Variants in REC114 observed in about 807,000 individuals in gnomAD.
REC114 encodes meiotic recombination protein REC114.
A neutral mutation model predicts 31.3 loss-of-function variants in REC114; 27 were observed. The ratio of observed to expected loss-of-function variants is 0.86; its 90% CI spans 0.64 to 1.19. The LOEUF is 1.19. Ranked by LOEUF, REC114 falls within the 50% of genes most tolerant of loss-of-function variation. The probability of loss-of-function intolerance (pLI) is 0.00; values close to 1 mark genes in which losing one functional copy is unlikely to be tolerated. For synonymous variants in REC114, 134 were observed against 127.7 expected, an observed-to-expected ratio of 1.05 and a Z score of -0.33; for missense variants, 344 against 326.9, an observed-to-expected ratio of 1.05 and a Z score of -0.40.
chr15:73,476,538 T>A (rs2141294631), intron 2 of REC114, among the ~76,000 whole-genome samples: 1 of 152,348 alleles, frequency 6.6e-6, no homozygotes, highest in East Asian at 1.9e-4. Flanking sequence ...TTTTGAAGTA[T>A]ATATACATTG....
chr15:73,468,282 A>G (rs1234965136), intron 1 of REC114, among the ~76,000 whole-genome samples: 1 of 151,882 alleles, frequency 6.6e-6, no homozygotes, highest in South Asian at 2.1e-4. Context: ...ATTTCTCTCA[A>G]TTTTCAATGT....
intron 2 of REC114, among the ~76,000 whole-genome samples, chr15:73,511,554 C>A (rs1268332150): frequency 2.0e-5 from 3 of 149,000 alleles, no homozygotes; most frequent in Non-Finnish European, 4.5e-5. Flanking sequence ...AATTTTGGAT[C>A]TTTCCTGCTT....
chr15:73,551,393 C>T (rs1894391058), intron 4 of REC114, among the ~76,000 whole-genome samples: 1 of 152,072 alleles, frequency 6.6e-6, no homozygotes, highest in Admixed American at 6.5e-5. Context: ...AAGTGTGGTC[C>T]ACGAACCCCT....
At chr15:73,534,776 C>T (rs1894132392) in intron 2 of REC114, among the ~76,000 whole-genome samples, 1 of 150,976 alleles carries the variant, frequency 6.6e-6, no homozygotes, top group Non-Finnish European at 1.5e-5. Flanking sequence ...TGCAGAAATC[C>T]TCAATAAAAT....
Position 73,556,345 on chromosome 15 carries a change from G to A in REC114, c.590G>A (p.Gly197Asp), listed in dbSNP as rs377361229. 1.1e-5 allele frequency: 17 copies of A among 1,613,752 alleles called. No individual in the cohort carries two copies. The African/African-American group carries it at 1.3e-4, about 13-fold the overall frequency. Residue 197 changes from glycine (G) to aspartate (D), a missense_variant, in exon 5 of 6, where the codon GGC becomes GAC. Gly to Asp is a moderately conservative substitution (Grantham distance 94, BLOSUM62 -1). Coordinates refer to ENST00000331090, the MANE Select transcript of REC114 (RefSeq NM_001042367.2). The stretch of plus-strand genomic sequence containing the variant: ...CAACAGCAAGTGTGTGTAACAGCGG[G>A]CACAGGCGCTCCAGACGGAAGGACC... ...SEQQQVCVTA[G>D]TGAPDGRTSL...
chr15:73,514,005 T>C (rs915063123), intron 2 of REC114, among the ~76,000 whole-genome samples: 5 of 152,102 alleles, frequency 3.3e-5, no homozygotes, highest in African/African-American at 1.2e-4. Flanking sequence ...TTTGTTTACC[T>C]AAGCAAGCCT....
intron 3 of REC114, among the ~76,000 whole-genome samples, chr15:73,549,255 A>G (rs552904714): frequency 1.9e-4 from 29 of 152,340 alleles, no homozygotes; most frequent in Non-Finnish European, 3.5e-4. Flanking sequence ...AGTGAAATAA[A>G]CCAGGCACAG....
At position 73,556,167 on chromosome 15, in the gene REC114, G is replaced by A. The variant is rs947659773; in HGVS notation, c.547-135G>A. On this transcript the variant is annotated intron_variant, in intron 4 of 5. Coordinates refer to ENST00000331090, the MANE Select transcript of REC114 (RefSeq NM_001042367.2). ...TCCGTTTAAACCAGGACAGACCTAT[G>A]CTGACAACCATTTTTATCACTCTTA... 6.4e-5 allele frequency: 46 copies of A among 718,022 alleles called. 1 individual carries two copies. In the Admixed American group the frequency reaches 1.1e-3, roughly 17 times the overall value. The allele number at this position is 718,022 out of a possible 1,614,324, so 44.5% of individuals were successfully genotyped here.
At chr15:73,504,248 C>T (rs1893643754) in intron 2 of REC114, among the ~76,000 whole-genome samples, 1 of 152,006 alleles carries the variant, frequency 6.6e-6, no homozygotes, top group South Asian at 2.1e-4. Context: ...TCGTGATCGC[C>T]CTCCTCAGCC....
intron 2 of REC114, among the ~76,000 whole-genome samples, chr15:73,524,293 C>G (rs1893977587): frequency 6.6e-6 from 1 of 151,978 alleles, no homozygotes; most frequent in Non-Finnish European, 1.5e-5. Context: ...GACAGTGTTC[C>G]CAAAGAAATT....
intron 1 of REC114, among the ~76,000 whole-genome samples, chr15:73,450,853 A>T (rs1046255300): frequency 6.6e-6 from 1 of 152,234 alleles, no homozygotes; most frequent in Non-Finnish European, 1.5e-5. Context: ...GCACAACTAC[A>T]TGGAAACTGA....
At chr15:73,482,903 T>G (rs964519128) in intron 2 of REC114, among the ~76,000 whole-genome samples, 3 of 152,142 alleles carry the variant, frequency 2.0e-5, no homozygotes, top group South Asian at 2.1e-4. Context: ...GATTTTTTTT[T>G]TTTTTTGAGG....
chr15:73,553,514 C>CA (rs368537558), intron 4 of REC114, among the ~76,000 whole-genome samples: 3 of 152,108 alleles, frequency 2.0e-5, no homozygotes, highest in Non-Finnish European at 2.9e-5. Flanking sequence ...TGGAGTGTAA[C>CA]AAAAAAACCC....
chr15:73,545,860 A>G (rs1287294953), intron 3 of REC114, among the ~76,000 whole-genome samples: 1 of 152,204 alleles, frequency 6.6e-6, no homozygotes, highest in South Asian at 2.1e-4. Context: ...GAATCCTAAT[A>G]GCTAATATAA....
intron 3 of REC114, among the ~76,000 whole-genome samples, chr15:73,545,095 G>A (rs1894291369): frequency 6.6e-6 from 1 of 152,210 alleles, no homozygotes; most frequent in Non-Finnish European, 1.5e-5. Context: ...CCCTTTGTGA[G>A]TACACGTAGA....
chr15:73,498,792 AAGATT>A (rs1369833171), intron 2 of REC114, among the ~76,000 whole-genome samples: 6 of 152,170 alleles, frequency 3.9e-5, no homozygotes, highest in African/African-American at 1.4e-4. Context: ...AATACAGTAA[AAGATT>A]AGAAATAGCC....
intron 2 of REC114, among the ~76,000 whole-genome samples, chr15:73,521,945 T>G (rs898356791): frequency 6.6e-6 from 1 of 152,196 alleles, no homozygotes; most frequent in African/African-American, 2.4e-5. Flanking sequence ...CTAACTCAAA[T>G]TGAACACATA....
chr15:73,518,152 ATGAAT>A (rs1481571945), intron 2 of REC114, among the ~76,000 whole-genome samples: 3 of 152,386 alleles, frequency 2.0e-5, no homozygotes, highest in East Asian at 3.8e-4. Context: ...AGTTAAAGAA[ATGAAT>A]TACGTTTGCT....
At chr15:73,516,753 G>A (rs1240631375) in intron 2 of REC114, among the ~76,000 whole-genome samples, 5 of 152,028 alleles carry the variant, frequency 3.3e-5, no homozygotes, top group African/African-American at 9.7e-5. Flanking sequence ...TCAGCCTCCC[G>A]AGTAGCTGAG....
Sources: allele counts gnomAD v4.1 joint callset (sites outside exome capture counted in the v4.1 genomes callset), GRCh38; gene constraint gnomAD v4.1.1; transcripts MANE v1.5; gene names NCBI Gene and HGNC (gene_info 2026-07-23, HGNC 2026-07-21).